VDR: variants seen among roughly 807,000 people sequenced by gnomAD.
VDR encodes vitamin D receptor.
Under a neutral mutation model 39.7 loss-of-function variants are expected in VDR, and 19 were observed. The observed-to-expected ratio is 0.48, with a 90% CI of 0.33 to 0.70. VDR has a LOEUF of 0.70. Among genes scored for constraint, VDR ranks in the 30% least tolerant of loss-of-function variants. The probability of loss-of-function intolerance (pLI) is 0.02; values close to 1 mark genes in which losing one functional copy is unlikely to be tolerated. For synonymous variants in VDR, 242 were observed against 215.8 expected, an observed-to-expected ratio of 1.12 and a Z score of -1.07; for missense variants, 442 against 570.5, an observed-to-expected ratio of 0.77 and a Z score of 2.29.
intron 3 of VDR, among the ~76,000 whole-genome samples, chr12:47,872,896 C>T (rs1289917995): frequency 1.3e-5 from 2 of 152,190 alleles, no homozygotes; most frequent in South Asian, 2.1e-4. Flanking sequence ...CCAATGCTCT[C>T]GACAACCTTT....
rs539180933 is a variant in VDR at position 47,844,695 on chromosome 12, C to T, written c.*51G>A. On this transcript the variant is annotated 3_prime_UTR_variant, in exon 10 of 10. Transcript: ENST00000549336. Reference sequence around the variant, plus strand: ...GTAGCCGCCAGCCCCGGGCCTGGCACGTGGCCCTGGAGGAGCAGCCCCACC... The same window carrying T: ...GTAGCCGCCAGCCCCGGGCCTGGCATGTGGCCCTGGAGGAGCAGCCCCACC... 214 of 1,611,576 alleles carry T rather than the reference C, an allele frequency of 1.3e-4. No individual in the cohort carries two copies. The South Asian group carries it at 1.9e-3, about 14-fold the overall frequency.
chr12:47,890,481 C>T (rs1410987656), intron 1 of VDR, among the ~76,000 whole-genome samples: 1 of 151,592 alleles, frequency 6.6e-6, no homozygotes, highest in Non-Finnish European at 1.5e-5. Flanking sequence ...ACGGTTGTCA[C>T]GTCACCAGGC....
intron 4 of VDR, among the ~76,000 whole-genome samples, chr12:47,860,489 G>A (rs558696264): frequency 6.6e-6 from 1 of 152,358 alleles, no homozygotes; most frequent in Non-Finnish European, 1.5e-5. Context: ...AGAGAGCTGA[G>A]AAAGCTGACC....
In VDR at chr12:47,844,995, C is replaced by G. The variant is rs1304536827; in HGVS notation, c.1035G>C (p.Gly345=). 6.2e-7 allele frequency: 1 copy of G among 1,612,578 alleles called. No individual in the cohort carries two copies. Among genetic ancestry groups the G allele is most frequent in the Non-Finnish European group, 8.5e-7 (1 of 1,179,920 alleles). ...AICIVSPDRP[G]VQDAALIEAI... ...CCTCAATCAGCGCGGCGTCCTGCAC[C>G]CCAGGACGATCTGTGGGCACGGGGA... The change falls in exon 10 of 10, where the codon GGG becomes GGC. Residue 345 remains glycine (G), a synonymous_variant. Transcript: ENST00000549336.
intron 1 of VDR, among the ~76,000 whole-genome samples, chr12:47,886,313 G>A (rs936162822): frequency 1.3e-5 from 2 of 152,250 alleles, no homozygotes; most frequent in Admixed American, 6.5e-5. Flanking sequence ...CTGCCCCATC[G>A]AGTGCTAAGC....
chr12:47,898,702 C>T (rs1173972884), intron 1 of VDR: 5 of 155,286 alleles, frequency 3.2e-5, no homozygotes, highest in African/African-American at 1.2e-4. Flanking sequence ...TCATGAACTG[C>T]AGTGGTGTGC....
intron 1 of VDR, among the ~76,000 whole-genome samples, chr12:47,894,778 A>G (rs1218633497): frequency 6.6e-6 from 1 of 152,172 alleles, no homozygotes; most frequent in Non-Finnish European, 1.5e-5. Flanking sequence ...GTCACTATCC[A>G]TTTAGGGCCC....
At chr12:47,864,477 C>A (rs147347674) in intron 4 of VDR, among the ~76,000 whole-genome samples, 18 of 152,348 alleles carry the variant, frequency 1.2e-4, no homozygotes, top group South Asian at 4.1e-4. Context: ...TCCTCCTGGT[C>A]TCTCCCTGGC....
intron 9 of VDR, among the ~76,000 whole-genome samples, chr12:47,845,226 T>A (rs1242682470): frequency 6.6e-6 from 1 of 152,018 alleles, no homozygotes; most frequent in African/African-American, 2.4e-5. Context: ...TGGGCGCACC[T>A]GGCCCTGTCC....
chr12:47,853,897 A>T (rs953493886), intron 7 of VDR, among the ~76,000 whole-genome samples: 3 of 152,270 alleles, frequency 2.0e-5, no homozygotes, highest in African/African-American at 4.8e-5. Flanking sequence ...ACTCCAGCCT[A>T]GGTGAAAAGA....
chr12:47,846,425 G>A lies in VDR; in HGVS notation c.934C>T (p.Pro312Ser), dbSNP rs1477925887. The A allele has an allele frequency of 6.4e-7, 1 of 1,569,126 alleles. No homozygotes were observed. Among genetic ancestry groups the A allele is most frequent in the Admixed American group, 1.9e-5 (1 of 53,148 alleles). Residue 312 changes from proline (P) to serine (S), a missense_variant, in exon 9 of 10, where the codon CCC becomes TCC. By Grantham distance (74) the Pro-to-Ser change is moderately conservative. Around this residue, in one of 5 missense-constraint regions of VDR, gnomAD observed 173 missense variants for 252.0 expected, o/e 0.69. Coordinates refer to ENST00000549336, the MANE Select transcript of VDR (RefSeq NM_000376.3). ...AGTCCCACCTGGAACTTGATGAGGG[G>A]CTCAATCAGCTCCAGGCTGTGTCCG... Reference protein sequence around the residue: ...KAGHSLELIEPLIKFQVGLKK... With the variant: ...KAGHSLELIESLIKFQVGLKK...
Position 47,857,585 on chromosome 12 carries a change from C to T in VDR, c.381G>A (p.Glu127=). The T allele has an allele frequency of 6.2e-7, 1 of 1,614,228 alleles. No individual in the cohort carries two copies. Among genetic ancestry groups the T allele is most frequent in the South Asian group, 1.1e-5 (1 of 91,086 alleles). Residue 127 remains glutamate, a synonymous_variant, in exon 5 of 10, where the codon GAG becomes GAA. Coordinates refer to ENST00000549336, the MANE Select transcript of VDR (RefSeq NM_000376.3). ...GCAGTATGGCAATGATGCGCTGCTG[C>T]TCCTCAGACAGCTTGGGCCGCAGAC... is the stretch of plus-strand genomic sequence containing the variant. ...KDSLRPKLSE[E]QQRIIAILLD...
At chr12:47,896,282 C>A (rs1345035570) in intron 1 of VDR, among the ~76,000 whole-genome samples, 1 of 152,198 alleles carries the variant, frequency 6.6e-6, no homozygotes, top group East Asian at 1.9e-4. Context: ...TGAGTTGCAG[C>A]CCAGTTTTTG....
intron 2 of VDR, among the ~76,000 whole-genome samples, chr12:47,880,340 A>G (rs1290251848): frequency 1.3e-5 from 2 of 152,242 alleles, no homozygotes; most frequent in East Asian, 1.9e-4. Flanking sequence ...GACTAGGCCC[A>G]TGATCTCTGA....
At chr12:47,891,425 C>G (rs951713206) in intron 1 of VDR, among the ~76,000 whole-genome samples, 33 of 152,328 alleles carry the variant, frequency 2.2e-4, no homozygotes, top group African/African-American at 7.7e-4. Flanking sequence ...AGAAGAACTT[C>G]AGGCCCGAGA....
intron 1 of VDR, among the ~76,000 whole-genome samples, chr12:47,889,746 C>T (rs1381771283): frequency 1.3e-5 from 2 of 152,234 alleles, no homozygotes; most frequent in Non-Finnish European, 2.9e-5. Flanking sequence ...TCCAGCCCTT[C>T]TTTGGGGAGA....
chr12:47,892,931 G>A (rs375637978), intron 1 of VDR, among the ~76,000 whole-genome samples: 11 of 152,332 alleles, frequency 7.2e-5, no homozygotes, highest in African/African-American at 1.7e-4. Context: ...GGTAAGAGGC[G>A]TAAGGAGCAC....
chr12:47,893,175 C>T (rs144963969), intron 1 of VDR, among the ~76,000 whole-genome samples: 28 of 152,308 alleles, frequency 1.8e-4, no homozygotes, highest in African/African-American at 6.3e-4. Flanking sequence ...ATTATTGCCA[C>T]GATTTATTGA....
At chr12:47,881,971 C>T (rs1025418932) in intron 2 of VDR, among the ~76,000 whole-genome samples, 9 of 152,116 alleles carry the variant, frequency 5.9e-5, no homozygotes, top group South Asian at 2.1e-4. Flanking sequence ...CCCAAGTATC[C>T]GGTGGATTTC....
Sources: allele counts gnomAD v4.1 joint callset (sites outside exome capture counted in the v4.1 genomes callset), GRCh38; gene constraint gnomAD v4.1.1; regional missense constraint gnomAD v4.1.1; transcripts MANE v1.5; gene names NCBI Gene and HGNC (gene_info 2026-07-23, HGNC 2026-07-21).